The following SCHIP1 variants were observed in gnomAD, a reference collection of about 807,000 sequenced individuals.
The protein encoded by SCHIP1 is schwannomin interacting protein 1.
Under a neutral mutation model 29.7 loss-of-function variants are expected in SCHIP1, and 8 were observed. That is an observed-to-expected ratio of 0.27 (90% CI 0.16 to 0.49). The LOEUF (loss-of-function observed/expected upper bound fraction) is 0.49, where lower values mean the gene tolerates loss of function less well. Among genes scored for constraint, SCHIP1 ranks in the 20% least tolerant of loss-of-function variants. The pLI is 0.99. For missense variants in SCHIP1, 193 were observed against 294.6 expected, an observed-to-expected ratio of 0.66 and a Z score of 2.52; for synonymous variants, 76 against 94.9, an observed-to-expected ratio of 0.80 and a Z score of 1.16.
chr3:159,689,385 T>G, the SCHIP1 span, among the ~76,000 whole-genome samples: 1 of 152,218 alleles, frequency 6.6e-6, no homozygotes, highest in African/African-American at 2.4e-5. Flanking sequence ...TGCTCATGAT[T>G]TGGCTCTCTG....
the SCHIP1 span, among the ~76,000 whole-genome samples, chr3:159,575,419 G>A: frequency 2.6e-5 from 4 of 151,866 alleles, no homozygotes; most frequent in Middle Eastern, 6.8e-3. Context: ...TTGCTTACTT[G>A]GAAATTGCAC....
At chr3:159,831,656 A>C in the SCHIP1 span, among the ~76,000 whole-genome samples, 1 of 152,160 alleles carries the variant, frequency 6.6e-6, no homozygotes, top group Non-Finnish European at 1.5e-5. Flanking sequence ...AAGACAGTCA[A>C]ACTGATACTG....
the SCHIP1 span, among the ~76,000 whole-genome samples, chr3:159,766,206 C>G: frequency 2.0e-5 from 3 of 152,046 alleles, no homozygotes; most frequent in Admixed American, 6.5e-5. Context: ...GCTTGCCTTG[C>G]GGGTGTAATT....
chr3:159,668,122 C>CT, the SCHIP1 span, among the ~76,000 whole-genome samples: 1 of 152,042 alleles, frequency 6.6e-6, no homozygotes, highest in South Asian at 2.1e-4. Flanking sequence ...GTAATCCCAG[C>CT]ACTTTGGGAG....
At chr3:159,377,762 AT>A in the SCHIP1 span, among the ~76,000 whole-genome samples, 1 of 152,194 alleles carries the variant, frequency 6.6e-6, no homozygotes, top group Admixed American at 6.5e-5. Flanking sequence ...AAAGTGTCTT[AT>A]TTATAAGCCT....
chr3:159,694,537 CAAGAA>C, the SCHIP1 span, among the ~76,000 whole-genome samples: 15 of 119,460 alleles, frequency 1.3e-4, 1 homozygote, highest in Admixed American at 1.1e-3. Flanking sequence ...AAAGAAAAGA[CAAGAA>C]AGAAAGAAAG....
the SCHIP1 span, among the ~76,000 whole-genome samples, chr3:159,770,895 T>A: frequency 2.0e-4 from 30 of 152,204 alleles, no homozygotes; most frequent in African/African-American, 6.3e-4. Flanking sequence ...GAATCATTTT[T>A]AAATTAGAGA....
At chr3:159,316,164 T>C in the SCHIP1 span, among the ~76,000 whole-genome samples, 1 of 152,076 alleles carries the variant, frequency 6.6e-6, no homozygotes, top group Non-Finnish European at 1.5e-5. Context: ...CAGGGTTCTC[T>C]TAGAGCGACA....
At chr3:159,763,347 A>G in the SCHIP1 span, among the ~76,000 whole-genome samples, 6 of 152,154 alleles carry the variant, frequency 3.9e-5, no homozygotes, top group South Asian at 1.0e-3. Context: ...CGCGTGGAAT[A>G]GGAGGCGCCA....
At chr3:159,642,955 A>T in the SCHIP1 span, among the ~76,000 whole-genome samples, 1 of 152,048 alleles carries the variant, frequency 6.6e-6, no homozygotes, top group African/African-American at 2.4e-5. Context: ...GGAAGGGGCT[A>T]GTCCTGCTTT....
At chr3:159,750,280 TATATATATATATATATACACAC>T in the SCHIP1 span, among the ~76,000 whole-genome samples, 5 of 25,018 alleles carry the variant, frequency 2.0e-4, no homozygotes, top group African/African-American at 4.2e-4. Flanking sequence ...TATATATATA[TATATATATATATATATACACAC>T]ACACACACAC....
At chr3:159,510,373 T>C in the SCHIP1 span, among the ~76,000 whole-genome samples, 1 of 152,330 alleles carries the variant, frequency 6.6e-6, no homozygotes, top group South Asian at 2.1e-4. Context: ...ATTCGTCTAA[T>C]CTTTTTTCAA....
chr3:159,859,385 T>C (rs922739216), intron 1 of SCHIP1, among the ~76,000 whole-genome samples: 2 of 152,222 alleles, frequency 1.3e-5, no homozygotes, highest in African/African-American at 4.8e-5. Context: ...TCATAATGTT[T>C]AAGAGCTTCA....
chr3:159,850,842 A>C (rs1050981566), intron 1 of SCHIP1, among the ~76,000 whole-genome samples: 1 of 152,182 alleles, frequency 6.6e-6, no homozygotes, highest in Non-Finnish European at 1.5e-5. Context: ...AACCACCCCC[A>C]TGGTCCAGTC....
the SCHIP1 span, among the ~76,000 whole-genome samples, chr3:159,396,586 G>A: frequency 1.3e-5 from 2 of 151,276 alleles, no homozygotes; most frequent in Non-Finnish European, 2.9e-5. Context: ...ATAAAGCTTA[G>A]TTTGGCAGGA....
the SCHIP1 span, among the ~76,000 whole-genome samples, chr3:159,580,652 GTTTGGT>G: frequency 1.3e-5 from 2 of 152,154 alleles, no homozygotes; most frequent in African/African-American, 4.8e-5. Flanking sequence ...TGAAAATTCA[GTTTGGT>G]CAAGACACAG....
chr3:159,853,430 A>G, intron 1 of SCHIP1: 1 of 699,112 alleles, frequency 1.4e-6, no homozygotes, highest in Middle Eastern at 2.3e-4. Flanking sequence ...AAGAATCCTC[A>G]TTGGATATGG....
chr3:159,718,368 G>T, the SCHIP1 span, among the ~76,000 whole-genome samples: 1 of 152,172 alleles, frequency 6.6e-6, no homozygotes, highest in Non-Finnish European at 1.5e-5. Context: ...CATAGTGTTG[G>T]AATTCCTGGC....
chr3:159,552,042 T>C, the SCHIP1 span, among the ~76,000 whole-genome samples: 1 of 143,076 alleles, frequency 7.0e-6, no homozygotes, highest in Non-Finnish European at 1.5e-5. Flanking sequence ...CTTTTTTTTT[T>C]TTTTTTTTTT....
Sources: allele counts gnomAD v4.1 joint callset (sites outside exome capture counted in the v4.1 genomes callset), GRCh38; gene constraint gnomAD v4.1.1; transcripts MANE v1.5; gene names NCBI Gene and HGNC (gene_info 2026-07-23, HGNC 2026-07-21).